PPIC: variants seen among roughly 807,000 people sequenced by gnomAD.
PPIC encodes peptidyl-prolyl cis-trans isomerase C.
PPIC carries 19 observed loss-of-function variants against 19.5 expected under a neutral mutation model. The observed-to-expected ratio is 0.98, with a 90% CI of 0.68 to 1.43. The LOEUF is 1.43. Ranked by LOEUF, PPIC falls within the 40% of genes most tolerant of loss-of-function variation. PPIC has a pLI of 0.00. For missense variants in PPIC, 268 were observed against 268.6 expected (o/e 1.00, Z 0.02); for synonymous variants, 107 against 101.2 (o/e 1.06, Z -0.34).
chr5:123,026,107 AGACAT>A, intron 3 of PPIC, 139 bp from the exon 4 acceptor site: 1 of 706,322 alleles, frequency 1.4e-6, no homozygotes. Flanking sequence ...AAACATAAGC[AGACAT>A]GAAGGAGGGA....
intron 3 of PPIC, among the ~76,000 whole-genome samples, chr5:123,026,918 G>T (rs2407525): frequency 6.6e-6 from 1 of 152,166 alleles, no homozygotes; most frequent in Non-Finnish European, 1.5e-5. Flanking sequence ...AAGTAGGCTG[G>T]GTGCAGTGGC....
chr5:123,024,850 C>T (rs1762828537), intron 4 of PPIC, among the ~76,000 whole-genome samples: 1 of 152,068 alleles, frequency 6.6e-6, no homozygotes, highest in Non-Finnish European at 1.5e-5. Context: ...CAAGGATGGT[C>T]CAGGCCTGGG....
Position 123,036,358 on chromosome 5 carries a change from C to T in PPIC, c.117+151G>A. 2.9e-6 allele frequency: 2 copies of T among 695,024 alleles called. No individual in the cohort carries two copies. Among genetic ancestry groups the T allele is most frequent in the South Asian group, 3.6e-5 (2 of 56,112 alleles). The allele number at this position is 695,024 out of a possible 1,614,324, so 43.1% of individuals were successfully genotyped here. ...GCCGGCCTCCCAGCACGCGAGCAGCCCCCTCCCACCCAGTCCCGCGGCCGC... is the reference window on the plus strand; with the variant it reads ...GCCGGCCTCCCAGCACGCGAGCAGCTCCCTCCCACCCAGTCCCGCGGCCGC... On this transcript the variant is annotated intron_variant, in intron 1 of 4. Coordinates refer to ENST00000306442, the MANE Select transcript of PPIC (RefSeq NM_000943.5). This position sits in a 1 kb window ranked among gnomAD's most constrained non-coding sequence, Gnocchi z 4.5.
At chr5:123,032,186 G>C (rs1297521109) in intron 1 of PPIC, among the ~76,000 whole-genome samples, 1 of 152,214 alleles carries the variant, frequency 6.6e-6, no homozygotes, top group Admixed American at 6.5e-5. Flanking sequence ...GGTGGTCTCA[G>C]TGTGGGTAAC....
At chr5:123,031,292 A>G (rs1237011261) in intron 1 of PPIC, among the ~76,000 whole-genome samples, 1 of 152,226 alleles carries the variant, frequency 6.6e-6, no homozygotes, top group East Asian at 1.9e-4. Context: ...AGGCAAACCC[A>G]TAACCACAGT....
intron 3 of PPIC, 70 bp from the exon 4 acceptor site, chr5:123,026,038 G>A: frequency 7.5e-7 from 1 of 1,339,580 alleles, no homozygotes. Context: ...GAAACATAAG[G>A]CCTTAGAGGA....
intron 1 of PPIC, among the ~76,000 whole-genome samples, chr5:123,034,596 G>A (rs45619236): frequency 2.1e-4 from 32 of 152,342 alleles, no homozygotes; most frequent in Non-Finnish European, 4.3e-4. Flanking sequence ...GCATCAGTAA[G>A]TTTAAGAAGT....
At chr5:123,033,679 A>C (rs1326880052) in intron 1 of PPIC, among the ~76,000 whole-genome samples, 1 of 152,234 alleles carries the variant, frequency 6.6e-6, no homozygotes, top group Admixed American at 6.5e-5. Context: ...CTAATGTGCA[A>C]AGCCCTCCCA....
At position 123,036,427 on chromosome 5, in the gene PPIC, T is replaced by A; in HGVS notation, c.117+82A>T. 2.3e-6 allele frequency: 3 copies of A among 1,282,006 alleles called. No individual in the cohort carries two copies. Among genetic ancestry groups the A allele is most frequent in the Non-Finnish European group, 3.3e-6 (3 of 912,170 alleles). 79.4% of individuals were successfully genotyped at this position (1,282,006 alleles called of 1,614,324 possible). A position where few individuals can be genotyped will look rare whatever the true frequency, so the allele number is the denominator to read the frequency against. ...CGGGAAGCCTCCACCTCGCCCGCCCTGACACCGAGGTCCCAGTATCCAAAG... is the reference window on the plus strand; with the variant it reads ...CGGGAAGCCTCCACCTCGCCCGCCCAGACACCGAGGTCCCAGTATCCAAAG... On this transcript the variant is annotated intron_variant, in intron 1 of 4. Transcript: ENST00000306442. This position sits in a 1 kb window ranked among gnomAD's most constrained non-coding sequence, Gnocchi z 4.5.
In PPIC at chr5:123,036,515, C is replaced by G. The variant is rs767757035; in HGVS notation, c.111G>C (p.Thr37=). 3.1e-5 allele frequency: 50 copies of G among 1,606,526 alleles called. No individual in the cohort carries two copies. The Middle Eastern group carries it at 5.0e-4, about 16-fold the overall frequency. The part of the protein sequence containing the change: ...EGFRKRGPSV[T]AKVFFDVRIG... ...GCCCGCCGCTCTCGGTCACCTTGGCCGTCACCGAGGGGCCTCGCTTGCGGA... is the reference window on the plus strand; with the variant it reads ...GCCCGCCGCTCTCGGTCACCTTGGCGGTCACCGAGGGGCCTCGCTTGCGGA... Residue 37 remains threonine, a synonymous_variant, in exon 1 of 5, where the codon ACG becomes ACC. Coordinates refer to ENST00000306442, the MANE Select transcript of PPIC (RefSeq NM_000943.5). This position sits in a 1 kb window ranked among gnomAD's most constrained non-coding sequence, Gnocchi z 4.5.
chr5:123,028,230 G>A (rs1482992911), intron 3 of PPIC, among the ~76,000 whole-genome samples: 1 of 152,162 alleles, frequency 6.6e-6, no homozygotes, highest in Non-Finnish European at 1.5e-5. Flanking sequence ...ACATAGCCAG[G>A]AGTGTGAGTC....
At chr5:123,032,054 C>G (rs746317064) in intron 1 of PPIC, among the ~76,000 whole-genome samples, 1 of 152,186 alleles carries the variant, frequency 6.6e-6, no homozygotes, top group Non-Finnish European at 1.5e-5. Context: ...ATCTTGGCCT[C>G]CCAAAGTGCT....
rs1222255255 is a variant in PPIC, at chr5:123,025,936, C to T, written c.358G>A (p.Glu120Lys). The T allele has an allele frequency of 3.7e-6, 6 of 1,608,428 alleles. No homozygotes were observed. Among genetic ancestry groups the T allele is most frequent in the South Asian group, 3.4e-5 (3 of 89,400 alleles). The change falls in exon 4 of 5, where the codon GAG becomes AAG. Residue 120 changes from glutamate (E) to lysine (K), a missense_variant. Transcript: ENST00000306442. ...VSIYGETFPD[E>K]NFKLKHYGIG... ...CCATAGTGCTTCAGCTTGAAGTTCTCATCTGGAAATGTCTCACCATAGATG... is the reference window on the plus strand; with the variant it reads ...CCATAGTGCTTCAGCTTGAAGTTCTTATCTGGAAATGTCTCACCATAGATG...
rs1581872278 is a variant in PPIC at position 123,025,956 on chromosome 5, T to C, written c.338A>G (p.Tyr113Cys). ...GTTCTCATCTGGAAATGTCTCACCA[T>C]AGATGCTCACACCTGAGACAAAACA... ...TGDGTGGVSI[Y>C]GETFPDENFK... The change falls in exon 4 of 5, where the codon TAT (tyrosine) becomes TGT (cysteine). Residue 113 changes from tyrosine to cysteine, a missense_variant. Transcript: ENST00000306442. The C allele has an allele frequency of 1.9e-6, 3 of 1,600,752 alleles. No homozygotes were observed. Among genetic ancestry groups the C allele is most frequent in the East Asian group, 2.2e-5 (1 of 44,708 alleles).
At chr5:123,032,330 GT>G (rs1762954580) in intron 1 of PPIC, among the ~76,000 whole-genome samples, 1 of 152,230 alleles carries the variant, frequency 6.6e-6, no homozygotes, top group South Asian at 2.1e-4. Flanking sequence ...TACTATGAGT[GT>G]GAGAGCCAGA....
chr5:123,028,693 T>C, intron 3 of PPIC, 82 bp downstream of exon 3: 3 of 1,158,340 alleles, frequency 2.6e-6, no homozygotes, highest in Admixed American at 2.2e-5. Flanking sequence ...TAGCTCTGGA[T>C]TTCAACAGAC....
rs45579337 is a variant in PPIC at position 123,032,335 on chromosome 5, A to T, written c.118-2917T>A. Among the ~76,000 whole-genome samples, 415 of 152,350 alleles carry T rather than the reference A, an allele frequency of 2.7e-3. 2 individuals carry two copies. Among genetic ancestry groups the T allele is most frequent in the Admixed American group, 6.3e-3 (97 of 15,314 alleles). Reference sequence around the variant, plus strand: ...AAGGTTTCCCTACTATGAGTGTGAGAGCCAGAATTTCAAGGCTGCCTCTAG... The same window carrying T: ...AAGGTTTCCCTACTATGAGTGTGAGTGCCAGAATTTCAAGGCTGCCTCTAG... On this transcript the variant is annotated intron_variant, in intron 1 of 4. Coordinates refer to ENST00000306442, the MANE Select transcript of PPIC (RefSeq NM_000943.5).
intron 4 of PPIC, 95 bp from the exon 5 acceptor site, chr5:123,024,098 G>C (rs1762814297): frequency 6.8e-7 from 1 of 1,465,266 alleles, no homozygotes; most frequent in African/African-American, 1.4e-5. Flanking sequence ...GCCCAAGTGG[G>C]AAGGAAATAA....
rs1251311161 is a variant in PPIC, at chr5:123,036,503, G to C, written c.117+6C>G. The C allele has an allele frequency of 1.2e-6, 2 of 1,603,942 alleles. No individual in the cohort carries two copies. The highest frequency in any genetic ancestry group is 1.7e-6 in the Non-Finnish European group (2 of 1,175,988). On this transcript the variant is annotated splice_donor_region_variant and intron_variant, in intron 1 of 4. Coordinates refer to ENST00000306442, the MANE Select transcript of PPIC (RefSeq NM_000943.5). The surrounding 1 kb of genome is among the most constrained non-coding windows in gnomAD (Gnocchi z 4.5). Reference sequence around the variant, plus strand: ...GGGGAAGTTGCAGCCCGCCGCTCTCGGTCACCTTGGCCGTCACCGAGGGGC... The same window carrying C: ...GGGGAAGTTGCAGCCCGCCGCTCTCCGTCACCTTGGCCGTCACCGAGGGGC...
Sources: allele counts gnomAD v4.1 joint callset (sites outside exome capture counted in the v4.1 genomes callset), GRCh38; gene constraint gnomAD v4.1.1; non-coding constraint Gnocchi (gnomAD v3.1); transcripts MANE v1.5; gene names NCBI Gene and HGNC (gene_info 2026-07-23, HGNC 2026-07-21).